Variants in EFR3A observed in about 807,000 individuals in gnomAD.
The protein encoded by EFR3A is EFR3 homolog A.
In EFR3A, 76 loss-of-function variants were observed where a neutral mutation model predicts 104.4. The observed-to-expected ratio is 0.73, with a 90% CI of 0.60 to 0.88. EFR3A has a LOEUF of 0.88. EFR3A is among the 40% of genes least tolerant of loss of function. The pLI, the probability that EFR3A is intolerant of heterozygous loss-of-function variation, is 0.00. For synonymous variants in EFR3A, 330 were observed against 330.0 expected, an observed-to-expected ratio of 1.00 and a Z score of 0.00; for missense variants, 985 against 1,012.5, an observed-to-expected ratio of 0.97 and a Z score of 0.37.
chr8:131,988,879 A>G (rs1347674699), intron 18 of EFR3A, among the ~76,000 whole-genome samples: 1 of 152,022 alleles, frequency 6.6e-6, no homozygotes, highest in Middle Eastern at 3.2e-3. Context: ...ATTTTCCTTT[A>G]TCTTCCTTAT....
intron 1 of EFR3A, chr8:131,935,479 A>G (rs1429408901): frequency 2.2e-6 from 1 of 447,950 alleles, no homozygotes; most frequent in Non-Finnish European, 4.5e-6. Flanking sequence ...ACCAAAATCC[A>G]GTAATCGTAG....
At chr8:131,953,996 A>G in intron 6 of EFR3A, 29 bp downstream of exon 6, 1 of 1,497,196 alleles carries the variant, frequency 6.7e-7, no homozygotes, top group East Asian at 2.5e-5. Flanking sequence ...GTGTTGAGAC[A>G]GTGTTACTTT....
At chr8:131,972,922 A>G (rs1298041300) in intron 10 of EFR3A, among the ~76,000 whole-genome samples, 1 of 151,822 alleles carries the variant, frequency 6.6e-6, no homozygotes, top group East Asian at 1.9e-4. Flanking sequence ...TTGCATCTCC[A>G]TTGACACCAC....
chr8:131,944,908 G>C (rs756796163), intron 3 of EFR3A, 36 bp downstream of exon 3: 1 of 1,590,196 alleles, frequency 6.3e-7, no homozygotes, highest in Non-Finnish European at 8.5e-7. Flanking sequence ...TAGTATCTTT[G>C]GAAAATTCTT....
chr8:131,904,175 G>T lies in EFR3A; in HGVS notation c.-138G>T. On this transcript the variant is annotated 5_prime_UTR_variant, in exon 1 of 23. Transcript: ENST00000254624. Reference sequence around the variant, plus strand: ...TTGCGTGACCGCGGGGTCCGCGTCCGCTCCCTCCACCCTTCGCCCTTCGCC... The same window carrying T: ...TTGCGTGACCGCGGGGTCCGCGTCCTCTCCCTCCACCCTTCGCCCTTCGCC... The T allele has an allele frequency of 9.8e-7, 1 of 1,015,904 alleles. No homozygotes were observed. The highest frequency in any genetic ancestry group is 1.3e-6 in the Non-Finnish European group (1 of 791,260). The allele number at this position is 1,015,904 out of a possible 1,614,324, so 62.9% of individuals were successfully genotyped here. A position where few individuals can be genotyped will look rare whatever the true frequency, so the allele number is the denominator to read the frequency against.
intron 10 of EFR3A, among the ~76,000 whole-genome samples, chr8:131,972,823 C>T (rs528487342): frequency 7.2e-5 from 11 of 152,186 alleles, no homozygotes; most frequent in Middle Eastern, 3.4e-3. Flanking sequence ...TTATGGGCTA[C>T]TTATTTATAA....
intron 1 of EFR3A, chr8:131,939,987 A>T (rs895126016): frequency 2.3e-4 from 36 of 155,630 alleles, no homozygotes; most frequent in Non-Finnish European, 3.7e-4. Flanking sequence ...AGAGCAGGGT[A>T]AGGGTGGTCA....
chr8:132,008,136 A>T (rs191677388), intron 22 of EFR3A, among the ~76,000 whole-genome samples: 1 of 152,172 alleles, frequency 6.6e-6, no homozygotes, highest in East Asian at 1.9e-4. Flanking sequence ...TCCAGTAAGA[A>T]AATGAAAAGG....
intron 7 of EFR3A, among the ~76,000 whole-genome samples, chr8:131,958,213 A>C (rs957264843): frequency 6.6e-6 from 1 of 152,182 alleles, no homozygotes. Context: ...TAACTTGACT[A>C]TTGGGTAAGA....
chr8:132,003,312 A>G lies in EFR3A; in HGVS notation c.2360+27A>G, dbSNP rs72631810. On this transcript the variant is annotated intron_variant, in intron 22 of 22. Coordinates refer to ENST00000254624, the MANE Select transcript of EFR3A (RefSeq NM_015137.6). Reference sequence around the variant, plus strand: ...TAAGGGTTTTGTTATCACAATAGCAATAACACACACACACGAATAGAAACT... The same window carrying G: ...TAAGGGTTTTGTTATCACAATAGCAGTAACACACACACACGAATAGAAACT... 12,382 of 1,598,496 alleles carry G rather than the reference A, an allele frequency of 7.7e-3. 78 individuals are homozygous for G. Among genetic ancestry groups the G allele is most frequent in the Non-Finnish European group, 8.3e-3 (9,686 of 1,167,446 alleles).
Position 131,968,415 on chromosome 8 carries a change from G to A in EFR3A, c.976G>A (p.Ala326Thr). ...TCTGTTAGAGGCTGTTGCCATTGCT[G>A]CTAAAGGTTCCATAGGTGAGTGCCA... is the stretch of plus-strand genomic sequence containing the variant. ...QVLLEAVAIA[A>T]KGSIGPTVLE... Residue 326 changes from alanine to threonine, a missense_variant, in exon 9 of 23, where the codon GCT becomes ACT. Ala to Thr is a moderately conservative substitution (Grantham distance 58). Coordinates refer to ENST00000254624, the MANE Select transcript of EFR3A (RefSeq NM_015137.6). 1.2e-6 allele frequency: 2 copies of A among 1,613,474 alleles called. No individual in the cohort carries two copies. The highest frequency in any genetic ancestry group is 1.7e-6 in the Non-Finnish European group (2 of 1,179,544).
chr8:131,948,306 G>T (rs1563653145), intron 4 of EFR3A, among the ~76,000 whole-genome samples: 1 of 152,014 alleles, frequency 6.6e-6, no homozygotes, highest in East Asian at 1.9e-4. Context: ...CCTTGCCTCG[G>T]TTTTTCATCT....
At position 132,001,570 on chromosome 8, in the gene EFR3A, C is replaced by G. The variant is rs552876120; in HGVS notation, c.2158-189C>G. 1.8e-3 allele frequency among the ~76,000 whole-genome samples: 280 copies of G among 152,160 alleles called. 2 individuals are homozygous for G. The highest frequency in any genetic ancestry group is 6.5e-3 in the African/African-American group (272 of 41,532). On this transcript the variant is annotated intron_variant, in intron 19 of 22. Coordinates refer to ENST00000254624, the MANE Select transcript of EFR3A (RefSeq NM_015137.6). ...TGTTTTGGGGAACCACTGCAGTAAG[C>G]CATTGTTAGAACCAATGAAAAAGTG...
chr8:131,912,853 C>G (rs1363568365), intron 1 of EFR3A, among the ~76,000 whole-genome samples: 2 of 152,110 alleles, frequency 1.3e-5, no homozygotes, highest in East Asian at 3.9e-4. Context: ...TTTGACCATA[C>G]TGGCTTAGGA....
chr8:131,906,547 TATTGGTACTC>T (rs112325647), intron 1 of EFR3A, among the ~76,000 whole-genome samples: 3,215 of 152,308 alleles, frequency 0.021, 55 homozygotes, highest in Middle Eastern at 0.044. Flanking sequence ...TTATTTGGAA[TATTGGTACTC>T]ATTGAAACTG....
At chr8:131,979,230 G>C in intron 13 of EFR3A, 116 bp from the exon 14 acceptor site, 1 of 967,784 alleles carries the variant, frequency 1.0e-6, no homozygotes, top group Non-Finnish European at 1.5e-6. Flanking sequence ...CAATTCAGTA[G>C]TATCATTACA....
intron 18 of EFR3A, among the ~76,000 whole-genome samples, chr8:131,995,796 C>A (rs987777437): frequency 1.3e-5 from 2 of 152,162 alleles, no homozygotes; most frequent in African/African-American, 4.8e-5. Flanking sequence ...CAGGTAAAGA[C>A]AACATCTTTC....
At chr8:131,976,523 A>AC (rs1820334217) in intron 11 of EFR3A, among the ~76,000 whole-genome samples, 1 of 151,854 alleles carries the variant, frequency 6.6e-6, no homozygotes, top group South Asian at 2.1e-4. Flanking sequence ...AGATTATGTG[A>AC]CCCCCTTATT....
intron 1 of EFR3A, among the ~76,000 whole-genome samples, chr8:131,931,371 C>T (rs1379847161): frequency 6.6e-6 from 1 of 152,046 alleles, no homozygotes; most frequent in Admixed American, 6.6e-5. Flanking sequence ...GTAATTGTTT[C>T]TTAGAGATGT....
Sources: gnomAD v4.1 joint callset for allele counts (sites outside exome capture counted in the v4.1 genomes callset) on GRCh38, gnomAD v4.1.1 for gene constraint, MANE v1.5 for transcripts, NCBI Gene and HGNC (gene_info 2026-07-23, HGNC 2026-07-21) for gene names.